ACOT8: variants seen among roughly 807,000 people sequenced by gnomAD.
The protein encoded by ACOT8 is acyl-CoA thioesterase 8.
A neutral mutation model predicts 38.4 loss-of-function variants in ACOT8; 31 were observed. That is an observed-to-expected ratio of 0.81 (90% CI 0.61 to 1.09). The LOEUF is 1.09. Ranked by LOEUF, ACOT8 falls within the 50% of genes least tolerant of loss-of-function variation. The pLI is 0.00. For missense variants in ACOT8, 373 were observed against 421.8 expected (o/e 0.88, Z 1.01); for synonymous variants, 158 against 170.3 (o/e 0.93, Z 0.56).
rs144231022 is a variant in ACOT8 at position 45,857,209 on chromosome 20, G to T, written c.107C>A (p.Pro36Gln). ...CTACCTGAAGAGATCCTCGTCCAGC[G>T]GCTCGAGGTTGAGCACGGTCGTGAC... is the stretch of plus-strand genomic sequence containing the variant. The part of the protein sequence containing the change: ...VLVTTVLNLE[P>Q]LDEDLFRGRH... Residue 36 changes from proline to glutamine, a missense_variant, in exon 1 of 6, where the codon CCG becomes CAG. By Grantham distance (76) the Pro-to-Gln change is moderately conservative (BLOSUM62 -1). Transcript: ENST00000217455. 1.2e-6 allele frequency: 2 copies of T among 1,613,344 alleles called. No individual in the cohort carries two copies. The highest frequency in any genetic ancestry group is 1.7e-5 in the Admixed American group (1 of 59,986).
intron 2 of ACOT8, among the ~76,000 whole-genome samples, chr20:45,854,185 C>T (rs561718176): frequency 2.3e-5 from 3 of 131,598 alleles, no homozygotes; most frequent in Non-Finnish European, 5.3e-5. Context: ...AGGCATGAGC[C>T]ACCACACATA....
intron 5 of ACOT8, chr20:45,843,296 C>T: frequency 1.4e-6 from 1 of 718,270 alleles, no homozygotes; most frequent in South Asian, 1.5e-5. Context: ...AGAACTGGGT[C>T]CCTGGGAGAA....
rs375697034 is a variant in ACOT8, at chr20:45,848,690, A to G, written c.263-15T>C. Reference sequence around the variant, plus strand: ...CTTCGGGTCCCCTGCAGTGGGCACAAGGACACAGTGGGTCCACAGGCCCTG... The same window carrying G: ...CTTCGGGTCCCCTGCAGTGGGCACAGGGACACAGTGGGTCCACAGGCCCTG... On this transcript the variant is annotated splice_polypyrimidine_tract_variant and intron_variant, in intron 2 of 5. Transcript: ENST00000217455. 1.9e-6 allele frequency: 3 copies of G among 1,591,028 alleles called. No individual in the cohort carries two copies. Among genetic ancestry groups the G allele is most frequent in the South Asian group, 2.2e-5 (2 of 89,736 alleles).
chr20:45,853,863 C>G (rs1430930865), intron 2 of ACOT8: 3 of 1,209,666 alleles, frequency 2.5e-6, no homozygotes, highest in Non-Finnish European at 3.3e-6. Context: ...ACAGGGATAA[C>G]TTTCATATTT....
chr20:45,851,483 G>C (rs961983981), intron 2 of ACOT8, among the ~76,000 whole-genome samples: 12 of 152,308 alleles, frequency 7.9e-5, no homozygotes, highest in Admixed American at 3.3e-4. Context: ...GTGTGAATGA[G>C]TTCCAGCCCT....
At chr20:45,842,717 A>G in intron 5 of ACOT8, 2 of 989,306 alleles carry the variant, frequency 2.0e-6, no homozygotes, top group Non-Finnish European at 2.4e-6. Flanking sequence ...CCAGACCAGG[A>G]CTGAAATCCA....
In ACOT8 at chr20:45,841,950, G is replaced by T; in HGVS notation, c.848C>A (p.Ser283Tyr). ...CAGCCGCCCATGGACCAGCCCCCGA[G>T]AGCCACCTGTGGGTGAGGTGAAGGG... Reference protein sequence around the residue: ...YECESPWAGGSRGLVHGRLWR... With the variant: ...YECESPWAGGYRGLVHGRLWR... The change falls in exon 6 of 6, where the codon TCT becomes TAT. Residue 283 changes from serine to tyrosine, a missense_variant. Coordinates refer to ENST00000217455, the MANE Select transcript of ACOT8 (RefSeq NM_005469.4). The T allele has an allele frequency of 6.2e-7, 1 of 1,613,230 alleles. No individual in the cohort carries two copies.
chr20:45,854,495 C>T (rs571108661), intron 2 of ACOT8, among the ~76,000 whole-genome samples: 1 of 152,190 alleles, frequency 6.6e-6, no homozygotes, highest in Admixed American at 6.5e-5. Flanking sequence ...AGGCGTGAGC[C>T]ACCGCGCCCG....
intron 5 of ACOT8, chr20:45,842,955 C>T (rs1286882226): frequency 4.0e-6 from 4 of 1,010,476 alleles, no homozygotes; most frequent in Non-Finnish European, 4.7e-6. Flanking sequence ...CATTGATGAA[C>T]GAGTCTTGTT....
intron 1 of ACOT8, 137 bp downstream of exon 1, chr20:45,857,051 G>T: frequency 9.5e-7 from 1 of 1,055,074 alleles, no homozygotes; most frequent in Non-Finnish European, 1.4e-6. Flanking sequence ...TTGGGGGCGA[G>T]TTCTCTCCTA....
rs113942842 is a variant in ACOT8, at chr20:45,844,069, G to A, written c.646+194C>T. The A allele has an allele frequency of 3.3e-5, 29 of 878,078 alleles. 1 individual carries two copies. The highest frequency in any genetic ancestry group is 1.8e-4 in the African/African-American group (11 of 59,486). The allele number at this position is 878,078 out of a possible 1,614,324, so 54.4% of individuals were successfully genotyped here. A position where few individuals can be genotyped will look rare whatever the true frequency, so the allele number is the denominator to read the frequency against. On this transcript the variant is annotated intron_variant, in intron 4 of 5. Transcript: ENST00000217455. ...GCCTTCCTCAGAAAGGCCTTGTGTC[G>A]GGATTATAGTCATCTCCACCTTCTC...
rs1984505237 is a variant in ACOT8 at position 45,844,262 on chromosome 20, C to T, written c.646+1G>A. ...TCCTCCCATCCATGGGGTACTCTTACCAATATAGCCCCGGGCTCGCACCCA... is the reference window on the plus strand; with the variant it reads ...TCCTCCCATCCATGGGGTACTCTTATCAATATAGCCCCGGGCTCGCACCCA... On this transcript the variant is annotated splice_donor_variant, in intron 4 of 5. Coordinates refer to ENST00000217455, the MANE Select transcript of ACOT8 (RefSeq NM_005469.4). LOFTEE classifies it high-confidence loss of function. The T allele has an allele frequency of 6.2e-7, 1 of 1,614,188 alleles. No individual in the cohort carries two copies. The highest frequency in any genetic ancestry group is 8.5e-7 in the Non-Finnish European group (1 of 1,180,034).
rs1276509836 is a variant in ACOT8 at position 45,844,763 on chromosome 20, AGC to A, written c.489-345_489-344del. On this transcript the variant is annotated intron_variant, in intron 3 of 5. Transcript: ENST00000217455. ...ATACCCTGTAATATGCACTGTTCTA[AGC>A]ATTGTACATACAATAGTATTCCTCA... is the stretch of plus-strand genomic sequence containing the variant. Among the ~76,000 whole-genome samples the A allele has an allele frequency of 2.3e-3, 352 of 152,152 alleles. 1 individual carries two copies. The highest frequency in any genetic ancestry group is 4.0e-3 in the Non-Finnish European group (270 of 68,040).
In ACOT8 at chr20:45,854,428, T is replaced by C. The variant is rs181866000; in HGVS notation, c.262+731A>G. On this transcript the variant is annotated intron_variant, in intron 2 of 5. Transcript: ENST00000217455. The stretch of plus-strand genomic sequence containing the variant: ...GGTTTCACCGTGTTAGCTAGGATGG[T>C]CCCGATCTCCTGACCTCGTGATCCG... Among the ~76,000 whole-genome samples the C allele has an allele frequency of 1.4e-4, 21 of 152,256 alleles. No individual in the cohort carries two copies. The East Asian group carries it at 2.7e-3, about 20-fold the overall frequency.
chr20:45,847,564 C>G (rs1355691496), intron 3 of ACOT8: 1 of 150,686 alleles, frequency 6.6e-6, no homozygotes, highest in Non-Finnish European at 1.5e-5. Flanking sequence ...AACGCCATCT[C>G]TACTAAAAAT....
At position 45,844,269 on chromosome 20, in the gene ACOT8, AG is replaced by A; in HGVS notation, c.639del (p.Tyr214IlefsTer7). On this transcript the variant is annotated frameshift_variant, in exon 4 of 6. Transcript: ENST00000217455. LOFTEE classifies it high-confidence loss of function. ...PKQMFWVRARGYIGEGDMKMH... is the reference protein window; with the variant it reads ...PKQMFWVRARXYIGEGDMKMH... The stretch of plus-strand genomic sequence containing the variant: ...ATCCATGGGGTACTCTTACCAATAT[AG>A]CCCCGGGCTCGCACCCAGAACATCT... 6.2e-7 allele frequency: 1 copy of A among 1,614,172 alleles called. No homozygotes were observed. The highest frequency in any genetic ancestry group is 1.7e-5 in the Admixed American group (1 of 60,010).
chr20:45,847,488 T>C (rs1984758505), intron 3 of ACOT8: 1 of 151,560 alleles, frequency 6.6e-6, no homozygotes, highest in African/African-American at 2.4e-5. Flanking sequence ...CCCAGCACTT[T>C]AGGAGGTCAA....
chr20:45,849,596 G>A (rs1406994621), intron 2 of ACOT8, among the ~76,000 whole-genome samples: 6 of 152,136 alleles, frequency 3.9e-5, no homozygotes, highest in South Asian at 4.1e-4. Flanking sequence ...GACTACAGGC[G>A]TGCGCCGCTA....
At chr20:45,845,979 G>A (rs143404754) in intron 3 of ACOT8, among the ~76,000 whole-genome samples, 2,517 of 151,966 alleles carry the variant, frequency 0.017, 82 homozygotes, top group South Asian at 0.12. Context: ...TTACAGGCAC[G>A]GGCCACCACG....
Sources: allele counts gnomAD v4.1 joint callset (sites outside exome capture counted in the v4.1 genomes callset), GRCh38; gene constraint gnomAD v4.1.1; transcripts MANE v1.5; gene names NCBI Gene and HGNC (gene_info 2026-07-23, HGNC 2026-07-21).